The following BRF1 variants were observed in gnomAD, a reference collection of about 807,000 sequenced individuals.
BRF1 encodes BRF1 general transcription factor IIIB subunit, also known as transcription factor IIIB 90 kDa subunit.
Under a neutral mutation model 81.7 loss-of-function variants are expected in BRF1, and 59 were observed. The observed-to-expected ratio is 0.72, with a 90% confidence interval of 0.59 to 0.90. The LOEUF is 0.90. BRF1 is among the 40% of genes least tolerant of loss of function. The probability of loss-of-function intolerance (pLI) is 0.00; values close to 1 mark genes in which losing one functional copy is unlikely to be tolerated. For synonymous variants in BRF1, 491 were observed against 395.6 expected, an observed-to-expected ratio of 1.24 and a Z score of -2.86; for missense variants, 1,050 against 936.3, an observed-to-expected ratio of 1.12 and a Z score of -1.58.
chr14:105,211,052 G>T, intron 17 of BRF1, 70 bp downstream of exon 17: 1 of 1,566,450 alleles, frequency 6.4e-7, no homozygotes, highest in Non-Finnish European at 8.6e-7. Context: ...CCAAGTTCAG[G>T]GATCATGAGG....
At chr14:105,290,373 C>A (rs1047193746) in intron 1 of BRF1, among the ~76,000 whole-genome samples, 5 of 152,116 alleles carry the variant, frequency 3.3e-5, no homozygotes, top group Non-Finnish European at 5.9e-5. Context: ...GAGCCGAGAT[C>A]GCGCCATTGC....
In BRF1 at chr14:105,226,056, A is replaced by G; in HGVS notation, c.1048+13T>C. 6.2e-7 allele frequency: 1 copy of G among 1,611,672 alleles called. No homozygotes were observed. The highest frequency in any genetic ancestry group is 8.5e-7 in the Non-Finnish European group (1 of 1,178,340). The stretch of plus-strand genomic sequence containing the variant: ...TTAAAGGTCTGAATAGGGGCCGGGC[A>G]CAGTGGACTCACCATCTTTTGCCAG... On this transcript the variant is annotated intron_variant, in intron 10 of 17. Coordinates refer to ENST00000547530, the MANE Select transcript of BRF1 (RefSeq NM_001519.4).
At chr14:105,241,743 C>T (rs1195970859) in intron 5 of BRF1, 1 of 375,022 alleles carries the variant, frequency 2.7e-6, no homozygotes, top group Non-Finnish European at 5.1e-6. Context: ...ATGCAGACAG[C>T]ACCACACGCA....
intron 3 of BRF1, among the ~76,000 whole-genome samples, chr14:105,270,230 G>A (rs1431463484): frequency 1.3e-5 from 2 of 149,174 alleles, no homozygotes; most frequent in Admixed American, 1.3e-4. Context: ...CTGGAGTGCA[G>A]TGGCGCGATC....
rs1203544625 is a variant in BRF1 at position 105,297,177 on chromosome 14, T to C, written c.184+3269A>G. On this transcript the variant is annotated intron_variant, in intron 1 of 17. Coordinates refer to ENST00000547530, the MANE Select transcript of BRF1 (RefSeq NM_001519.4). Reference sequence around the variant, plus strand: ...CATCTCAAAAAAAAAGTCCAGAAGCTGTATGCTGAAAACTACCCAACACTG... The same window carrying C: ...CATCTCAAAAAAAAAGTCCAGAAGCCGTATGCTGAAAACTACCCAACACTG... 3.3e-5 allele frequency among the ~76,000 whole-genome samples: 5 copies of C among 151,886 alleles called. No individual in the cohort carries two copies. In the South Asian group the frequency reaches 1.0e-3, roughly 32 times the overall value.
intron 2 of BRF1, among the ~76,000 whole-genome samples, chr14:105,277,504 G>C (rs1477870635): frequency 9.5e-6 from 1 of 105,364 alleles, no homozygotes; most frequent in Non-Finnish European, 2.0e-5. Context: ...CAGTGAGAAG[G>C]AGCTGAGAGG....
chr14:105,263,341 G>A (rs1043670275), intron 3 of BRF1, among the ~76,000 whole-genome samples: 2 of 152,094 alleles, frequency 1.3e-5, no homozygotes, highest in African/African-American at 4.8e-5. Context: ...AGACACGAGG[G>A]GCCAAGCTGC....
Position 105,269,150 on chromosome 14 carries a change from G to A in BRF1, c.439+3571C>T, listed in dbSNP as rs770188563. ...GCTCTGGCTGGCAGGCCTAGGGCACGGTGCTGCCCGCAACCTGAAGGGAGG... is the reference window on the plus strand; with the variant it reads ...GCTCTGGCTGGCAGGCCTAGGGCACAGTGCTGCCCGCAACCTGAAGGGAGG... On this transcript the variant is annotated intron_variant, in intron 3 of 17. Transcript: ENST00000547530. This position sits in a 1 kb window ranked among gnomAD's most constrained non-coding sequence, Gnocchi z 5.0. Among the ~76,000 whole-genome samples the A allele has an allele frequency of 6.6e-6, 1 of 152,116 alleles. No individual in the cohort carries two copies.
At position 105,269,371 on chromosome 14, in the gene BRF1, T is replaced by C. The variant is rs1265038821; in HGVS notation, c.439+3350A>G. On this transcript the variant is annotated intron_variant, in intron 3 of 17. Coordinates refer to ENST00000547530, the MANE Select transcript of BRF1 (RefSeq NM_001519.4). The surrounding 1 kb of genome is among the most constrained non-coding windows in gnomAD (Gnocchi z 5.0). ...GCGGCCTCCCGTGAGCACAGTCCTG[T>C]TCCAAGCTGTCTTGTCCTTAGCAGC... is the stretch of plus-strand genomic sequence containing the variant. 1.3e-5 allele frequency among the ~76,000 whole-genome samples: 2 copies of C among 152,128 alleles called. No homozygotes were observed. Among genetic ancestry groups the C allele is most frequent in the South Asian group, 2.1e-4 (1 of 4,818 alleles).
At chr14:105,253,894 T>C (rs2055740198) in intron 4 of BRF1, among the ~76,000 whole-genome samples, 1 of 152,220 alleles carries the variant, frequency 6.6e-6, no homozygotes, top group African/African-American at 2.4e-5. Flanking sequence ...TCAGCACATG[T>C]AGTGTGTGTG....
upstream of BRF1, among the ~76,000 whole-genome samples, chr14:105,302,621 T>C (rs1412782848): frequency 6.6e-6 from 1 of 152,234 alleles, no homozygotes; most frequent in Non-Finnish European, 1.5e-5. Flanking sequence ...TGTCTCATTC[T>C]GTCACCCAAG....
intron 15 of BRF1, chr14:105,213,266 G>A (rs947082324): frequency 1.3e-5 from 2 of 152,274 alleles, no homozygotes; most frequent in African/African-American, 4.8e-5. Context: ...TGGCGCTCCA[G>A]GAGGCAGGCC....
chr14:105,226,935 T>A, intron 7 of BRF1, 175 bp from the exon 8 acceptor site: 6 of 738,800 alleles, frequency 8.1e-6, no homozygotes, highest in Non-Finnish European at 1.0e-5. Flanking sequence ...ACAGTGAGAC[T>A]CTGTCTCTAC....
rs146908013 is a variant in BRF1 at position 105,248,042 on chromosome 14, C to G, written c.544+4465G>C. The G allele has an allele frequency of 4.2e-3, 4,092 of 985,472 alleles. 11 individuals carry two copies. Among genetic ancestry groups the G allele is most frequent in the East Asian group, 0.013 (117 of 8,810 alleles). The allele number at this position is 985,472 out of a possible 1,614,324, so 61.0% of individuals were successfully genotyped here. A position where few individuals can be genotyped will look rare whatever the true frequency, so the allele number is the denominator to read the frequency against. On this transcript the variant is annotated intron_variant, in intron 5 of 17. Transcript: ENST00000547530. ...AGGGCCAGATCCTGACTTGCCCACC[C>G]GCCGGCTGTGTGACCTTCAGCGCGC...
Position 105,209,895 on chromosome 14 carries a change from G to A in BRF1, c.*656C>T, listed in dbSNP as rs747772479. On this transcript the variant is annotated 3_prime_UTR_variant, in exon 18 of 18. Coordinates refer to ENST00000547530, the MANE Select transcript of BRF1 (RefSeq NM_001519.4). ...GTCTGACCCCCATGCTGCTCCAGGC[G>A]GTGCAGGCAGCGGGGAGGGGGGTCT... 9.8e-6 allele frequency: 4 copies of A among 407,732 alleles called. No individual in the cohort carries two copies. The highest frequency in any genetic ancestry group is 1.7e-5 in the Non-Finnish European group (4 of 231,392). The allele number at this position is 407,732 out of a possible 1,614,324, so 25.3% of individuals were successfully genotyped here. A position where few individuals can be genotyped will look rare whatever the true frequency, so the allele number is the denominator to read the frequency against.
intron 5 of BRF1, among the ~76,000 whole-genome samples, chr14:105,243,806 G>T (rs993981150): frequency 3.9e-5 from 6 of 152,014 alleles, no homozygotes; most frequent in Non-Finnish European, 7.4e-5. Context: ...GACCAGCCTG[G>T]CCAATATAGT....
chr14:105,284,406 TGTCGGTGCTGGCCACCC>T lies in BRF1; in HGVS notation c.265+1873_265+1889del, dbSNP rs1161421258. On this transcript the variant is annotated intron_variant, in intron 2 of 17. Transcript: ENST00000547530. The surrounding 1 kb of genome is among the most constrained non-coding windows in gnomAD (Gnocchi z 4.0). ...CCAACTACCCCTGCCAGCCTAGGTGTGTCGGTGCTGGCCACCCGTCGGCAGCAGCAGCCAGGAGCAGA... is the reference window on the plus strand; with the variant it reads ...CCAACTACCCCTGCCAGCCTAGGTGTGTCGGCAGCAGCAGCCAGGAGCAGA... Among the ~76,000 whole-genome samples the T allele has an allele frequency of 1.3e-5, 2 of 152,140 alleles. No individual in the cohort carries two copies. The highest frequency in any genetic ancestry group is 2.9e-5 in the Non-Finnish European group (2 of 68,020).
rs200491359 is a variant in BRF1, at chr14:105,272,787, C to T, written c.373G>A (p.Gly125Ser). 12 of 1,613,942 alleles carry T rather than the reference C, an allele frequency of 7.4e-6. No individual in the cohort carries two copies. The highest frequency in any genetic ancestry group is 1.7e-5 in the Admixed American group (1 of 60,018). ...GCAATCACGTGGGCCATCTTCCGGCCGCGGGTCAGGTGCCTGCTCACGGCC... is the reference window on the plus strand; with the variant it reads ...GCAATCACGTGGGCCATCTTCCGGCTGCGGGTCAGGTGCCTGCTCACGGCC... ...KMAVSRHLTRGRKMAHVIAAC... is the reference protein window; with the variant it reads ...KMAVSRHLTRSRKMAHVIAAC... Residue 125 changes from glycine to serine, a missense_variant, in exon 3 of 18, where the codon GGC becomes AGC. This residue lies in a region of BRF1 where 1,043 missense variants were observed against 915.4 expected (regional missense o/e 1.14). Coordinates refer to ENST00000547530, the MANE Select transcript of BRF1 (RefSeq NM_001519.4).
intron 4 of BRF1, chr14:105,256,314 C>T: frequency 6.5e-7 from 1 of 1,548,480 alleles, no homozygotes; most frequent in Non-Finnish European, 8.7e-7. Flanking sequence ...CATGGAGACC[C>T]ACACTCCCAC....
Sources: allele counts gnomAD v4.1 joint callset (sites outside exome capture counted in the v4.1 genomes callset), GRCh38; gene constraint gnomAD v4.1.1; regional missense constraint gnomAD v4.1.1; non-coding constraint Gnocchi (gnomAD v3.1); transcripts MANE v1.5; gene names NCBI Gene and HGNC (gene_info 2026-07-23, HGNC 2026-07-21).